The following TOX variants were observed in gnomAD, a reference collection of about 807,000 sequenced individuals.
The protein encoded by TOX is thymocyte selection associated high mobility group box, also known as thymocyte selection-associated high mobility group box protein TOX.
A neutral mutation model predicts 53.7 loss-of-function variants in TOX; 11 were observed. The ratio of observed to expected loss-of-function variants is 0.20; its 90% CI spans 0.13 to 0.34. The LOEUF (loss-of-function observed/expected upper bound fraction) is 0.34, where lower values mean the gene tolerates loss of function less well. Ranked by LOEUF, TOX falls within the 10% of genes least tolerant of loss-of-function variation. TOX has a pLI of 1.00. For synonymous variants in TOX, 225 were observed against 245.3 expected, an observed-to-expected ratio of 0.92 and a Z score of 0.77; for missense variants, 570 against 664.6, an observed-to-expected ratio of 0.86 and a Z score of 1.56.
intron 1 of TOX, among the ~76,000 whole-genome samples, chr8:59,112,278 T>C (rs1805029935): frequency 6.6e-6 from 1 of 152,250 alleles, no homozygotes; most frequent in Non-Finnish European, 1.5e-5. Flanking sequence ...CAGGTTAATG[T>C]GAATTCCATG....
chr8:58,852,629 T>C (rs940875099), intron 3 of TOX, among the ~76,000 whole-genome samples: 1 of 152,168 alleles, frequency 6.6e-6, no homozygotes, highest in Non-Finnish European at 1.5e-5. Flanking sequence ...AAGAGGAGTA[T>C]GGAGAATTTC....
At chr8:58,856,416 T>A (rs1209433457) in intron 3 of TOX, among the ~76,000 whole-genome samples, 1 of 152,224 alleles carries the variant, frequency 6.6e-6, no homozygotes, top group Non-Finnish European at 1.5e-5. Flanking sequence ...CAAAAAATAT[T>A]TGCTGTGTCA....
chr8:59,043,189 CT>C (rs1269102272), intron 1 of TOX, among the ~76,000 whole-genome samples: 2 of 111,864 alleles, frequency 1.8e-5, no homozygotes, highest in Admixed American at 2.1e-4. Context: ...TTGAAATTAC[CT>C]ACTTTCTTTT....
chr8:58,926,175 G>A (rs1173483719), intron 3 of TOX, among the ~76,000 whole-genome samples: 2 of 152,150 alleles, frequency 1.3e-5, no homozygotes, highest in Admixed American at 1.3e-4. Flanking sequence ...GCTTCCCAGC[G>A]AGTTTTTGGC....
At chr8:58,934,527 G>A (rs751200920) in intron 3 of TOX, among the ~76,000 whole-genome samples, 83 of 152,208 alleles carry the variant, frequency 5.5e-4, no homozygotes, top group Middle Eastern at 3.4e-3. Flanking sequence ...AGTTACTCAC[G>A]GTCACACAGC....
chr8:59,045,988 GCCCTTCTC>G (rs1212512548), intron 1 of TOX, among the ~76,000 whole-genome samples: 1 of 152,186 alleles, frequency 6.6e-6, no homozygotes, highest in Non-Finnish European at 1.5e-5. Context: ...TGGTGATATT[GCCCTTCTC>G]CTGCAATCAC....
intron 1 of TOX, among the ~76,000 whole-genome samples, chr8:59,026,463 T>C (rs1009284007): frequency 1.3e-5 from 2 of 152,210 alleles, no homozygotes; most frequent in Non-Finnish European, 2.9e-5. Flanking sequence ...ATCACTTTTC[T>C]GGACTACACG....
intron 3 of TOX, among the ~76,000 whole-genome samples, chr8:58,875,931 T>A (rs574084817): frequency 6.6e-6 from 1 of 152,340 alleles, no homozygotes; most frequent in Non-Finnish European, 1.5e-5. Flanking sequence ...ATAAACAGCG[T>A]AAGTCAGTAT....
chr8:58,851,385 T>C lies in TOX; in HGVS notation c.693+139A>G. ...CAGGTGGTTTAATCCAGTATGTTTG[T>C]AACCTCATGCTTCATTAACAAAGCA... On this transcript the variant is annotated intron_variant, in intron 4 of 8. Transcript: ENST00000361421. This position sits in a 1 kb window ranked among gnomAD's most constrained non-coding sequence, Gnocchi z 4.4. 1.0e-6 allele frequency: 1 copy of C among 954,146 alleles called. No homozygotes were observed. The highest frequency in any genetic ancestry group is 1.7e-5 in the South Asian group (1 of 59,082). The allele number at this position is 954,146 out of a possible 1,614,324, so 59.1% of individuals were successfully genotyped here.
rs140247980 is a variant in TOX, at chr8:58,966,022, G to A, written c.103-6014C>T. ...AGCATCAAATATAGGGTGATAATAC[G>A]CATAGTTGTAATGCTGTTCACATGC... On this transcript the variant is annotated intron_variant, in intron 1 of 8. Transcript: ENST00000361421. Among the ~76,000 whole-genome samples, 741 of 146,020 alleles carry A rather than the reference G, an allele frequency of 5.1e-3. 6 individuals carry two copies. Among genetic ancestry groups the A allele is most frequent in the African/African-American group, 0.018 (713 of 39,652 alleles).
intron 1 of TOX, among the ~76,000 whole-genome samples, chr8:59,027,719 T>C (rs530338421): frequency 4.6e-4 from 70 of 152,282 alleles, no homozygotes; most frequent in African/African-American, 1.6e-3. Context: ...ATGAGATTGG[T>C]CCATTGCCCA....
chr8:58,870,227 A>T (rs934882606), intron 3 of TOX, among the ~76,000 whole-genome samples: 10 of 152,320 alleles, frequency 6.6e-5, no homozygotes, highest in Admixed American at 1.3e-4. Flanking sequence ...TATAGCAAGT[A>T]TGGAGGATAT....
At chr8:59,082,485 A>C (rs1296232910) in intron 1 of TOX, among the ~76,000 whole-genome samples, 1 of 152,264 alleles carries the variant, frequency 6.6e-6, no homozygotes, top group East Asian at 1.9e-4. Flanking sequence ...ATATTTATGG[A>C]TATGAATTTT....
chr8:58,894,546 G>C (rs1259638077), intron 3 of TOX, among the ~76,000 whole-genome samples: 1 of 152,168 alleles, frequency 6.6e-6, no homozygotes, highest in Non-Finnish European at 1.5e-5. Flanking sequence ...ATATTAGCTT[G>C]TTTGCTATTC....
At position 59,119,089 on chromosome 8, in the gene TOX, G is replaced by T; in HGVS notation, c.-102C>A. ...AACAGAGTGAGGTGTCTGGGCTCAG[G>T]AGTAAAAGAAACACCTTCCTTCCCT... On this transcript the variant is annotated 5_prime_UTR_variant, in exon 1 of 9. Transcript: ENST00000361421. The T allele has an allele frequency of 1.4e-6, 1 of 708,042 alleles. No individual in the cohort carries two copies. 43.9% of individuals were successfully genotyped at this position (708,042 alleles called of 1,614,324 possible). A position where few individuals can be genotyped will look rare whatever the true frequency, so the allele number is the denominator to read the frequency against.
chr8:59,107,480 C>A (rs1156367823), intron 1 of TOX, among the ~76,000 whole-genome samples: 1 of 152,172 alleles, frequency 6.6e-6, no homozygotes, highest in Non-Finnish European at 1.5e-5. Context: ...CCTTGGATTA[C>A]AAATTTGAAA....
chr8:59,095,137 T>C (rs1240602005), intron 1 of TOX, among the ~76,000 whole-genome samples: 1 of 152,240 alleles, frequency 6.6e-6, no homozygotes, highest in East Asian at 1.9e-4. Flanking sequence ...GTATCATTCA[T>C]GATTTTGTTA....
intron 2 of TOX, among the ~76,000 whole-genome samples, chr8:58,942,835 A>T (rs1239992346): frequency 6.6e-6 from 1 of 152,154 alleles, no homozygotes; most frequent in Admixed American, 6.5e-5. Context: ...GCTTGCTCAC[A>T]CAGATCCAAT....
intron 1 of TOX, among the ~76,000 whole-genome samples, chr8:59,112,079 G>A (rs1357544598): frequency 2.0e-5 from 3 of 152,124 alleles, no homozygotes; most frequent in African/African-American, 7.2e-5. Flanking sequence ...ACTTGCCATA[G>A]ATCAAACTAA....
Sources: gnomAD v4.1 joint callset for allele counts (sites outside exome capture counted in the v4.1 genomes callset) on GRCh38, gnomAD v4.1.1 for gene constraint, Gnocchi (gnomAD v3.1) non-coding constraint, MANE v1.5 for transcripts, NCBI Gene and HGNC (gene_info 2026-07-23, HGNC 2026-07-21) for gene names.